CRTAC1: variants seen among roughly 807,000 people sequenced by gnomAD.
The protein encoded by CRTAC1 is cartilage acidic protein 1.
Under a neutral mutation model 67.8 loss-of-function variants are expected in CRTAC1, and 37 were observed. That is an observed-to-expected ratio of 0.55 (90% CI 0.42 to 0.72). The LOEUF is 0.72. CRTAC1 is among the 30% of genes least tolerant of loss of function. CRTAC1 has a pLI of 0.00. For missense variants in CRTAC1, 780 were observed against 931.6 expected, an observed-to-expected ratio of 0.84 and a Z score of 2.12; for synonymous variants, 348 against 371.0, an observed-to-expected ratio of 0.94 and a Z score of 0.71.
intron 2 of CRTAC1, among the ~76,000 whole-genome samples, chr10:98,005,496 T>C (rs1320754446): frequency 1.3e-5 from 2 of 152,022 alleles, no homozygotes; most frequent in Admixed American, 1.3e-4. Flanking sequence ...ATCAAATCTA[T>C]TAAAATGTTA....
chr10:97,972,204 C>T (rs1383971820), intron 2 of CRTAC1, among the ~76,000 whole-genome samples: 4 of 152,202 alleles, frequency 2.6e-5, no homozygotes, highest in Non-Finnish European at 2.9e-5. Flanking sequence ...AGACCTTTTA[C>T]TTCCAGACCC....
intron 3 of CRTAC1, among the ~76,000 whole-genome samples, chr10:97,928,511 G>A (rs1390629895): frequency 2.0e-5 from 3 of 152,192 alleles, no homozygotes; most frequent in East Asian, 1.9e-4. Flanking sequence ...AAAACCCCTC[G>A]AGGTGGGTAC....
intron 3 of CRTAC1, among the ~76,000 whole-genome samples, 177 bp downstream of exon 3, chr10:97,935,993 G>C (rs1236836160): frequency 6.6e-6 from 1 of 152,154 alleles, no homozygotes; most frequent in East Asian, 1.9e-4. Context: ...AGGCTCACAC[G>C]CAAGAGAAGA....
intron 9 of CRTAC1, 123 bp from the exon 10 acceptor site, chr10:97,896,108 G>T: frequency 1.3e-6 from 1 of 789,662 alleles, no homozygotes; most frequent in African/African-American, 1.7e-5. Context: ...ACAGCACCGG[G>T]GCAGGAAGGC....
At chr10:97,925,182 G>T (rs1044107008) in intron 3 of CRTAC1, among the ~76,000 whole-genome samples, 23 of 152,300 alleles carry the variant, frequency 1.5e-4, no homozygotes, top group African/African-American at 4.1e-4. Context: ...GAAGCAGGAG[G>T]CTCACCTGAG....
At chr10:97,917,774 G>C (rs985069308) in intron 4 of CRTAC1, 118 bp from the exon 5 acceptor site, 1 of 737,024 alleles carries the variant, frequency 1.4e-6, no homozygotes, top group East Asian at 3.1e-5. Context: ...CTTCTCCCCA[G>C]GTCTGTTGCA....
At chr10:97,894,516 C>G (rs2050422387) in intron 11 of CRTAC1, among the ~76,000 whole-genome samples, 1 of 151,214 alleles carries the variant, frequency 6.6e-6, no homozygotes. Context: ...CCACCTCAGT[C>G]TCCCAGGTAG....
At chr10:97,946,513 C>G (rs2051266434) in intron 2 of CRTAC1, among the ~76,000 whole-genome samples, 2 of 152,196 alleles carry the variant, frequency 1.3e-5, no homozygotes, top group South Asian at 4.1e-4. Context: ...CTGATTGGCT[C>G]AGGGTGGGTC....
chr10:97,878,821 C>T (rs1249121349), intron 14 of CRTAC1: 2 of 760,942 alleles, frequency 2.6e-6, no homozygotes, highest in Non-Finnish European at 3.7e-6. Flanking sequence ...AACTGAGGCA[C>T]AGCATGGAGA....
At chr10:97,930,747 A>G (rs1285676959) in intron 3 of CRTAC1, among the ~76,000 whole-genome samples, 1 of 152,148 alleles carries the variant, frequency 6.6e-6, no homozygotes, top group Non-Finnish European at 1.5e-5. Flanking sequence ...ACCCATCCAA[A>G]TACCCTTCTC....
At chr10:98,025,869 C>T (rs1843222393) in intron 1 of CRTAC1, among the ~76,000 whole-genome samples, 2 of 152,190 alleles carry the variant, frequency 1.3e-5, no homozygotes, top group Non-Finnish European at 2.9e-5. Context: ...TCAGAATTAT[C>T]CTGGGACCCA....
chr10:97,961,250 C>T (rs1378952304), intron 2 of CRTAC1, among the ~76,000 whole-genome samples: 1 of 152,100 alleles, frequency 6.6e-6, no homozygotes, highest in Non-Finnish European at 1.5e-5. Context: ...CTTGTAACTT[C>T]TATCTTCTTT....
At chr10:97,920,119 G>T (rs1427035763) in intron 4 of CRTAC1, among the ~76,000 whole-genome samples, 1 of 152,058 alleles carries the variant, frequency 6.6e-6, no homozygotes, top group Non-Finnish European at 1.5e-5. Context: ...AGAATGACTG[G>T]ATGAAAAGTG....
intron 2 of CRTAC1, among the ~76,000 whole-genome samples, chr10:97,970,869 A>G (rs192969951): frequency 3.9e-4 from 60 of 152,352 alleles, no homozygotes; most frequent in African/African-American, 1.4e-3. Context: ...TCATTCATCT[A>G]TAACAAGTGC....
At chr10:97,930,030 G>A (rs1185573506) in intron 3 of CRTAC1, among the ~76,000 whole-genome samples, 1 of 152,144 alleles carries the variant, frequency 6.6e-6, no homozygotes, top group Non-Finnish European at 1.5e-5. Flanking sequence ...AGGTTAAGAG[G>A]GAAACCCGAT....
chr10:97,929,631 C>A (rs1359930705), intron 3 of CRTAC1, among the ~76,000 whole-genome samples: 1 of 152,220 alleles, frequency 6.6e-6, no homozygotes, highest in Non-Finnish European at 1.5e-5. Context: ...AACTCATGAA[C>A]TTGTGTTTTC....
Position 97,927,897 on chromosome 10 carries a change from A to G in CRTAC1, c.422-4497T>C, listed in dbSNP as rs547752596. Among the ~76,000 whole-genome samples the G allele has an allele frequency of 7.2e-5, 11 of 152,332 alleles. No individual in the cohort carries two copies. The South Asian group carries it at 2.3e-3, about 32-fold the overall frequency. On this transcript the variant is annotated intron_variant, in intron 3 of 14. Transcript: ENST00000370597. ...AACACCCAGCACTGGCCCCTGGCCCATGTCAGCATGCAGTCCTGCCTTCTG... is the reference window on the plus strand; with the variant it reads ...AACACCCAGCACTGGCCCCTGGCCCGTGTCAGCATGCAGTCCTGCCTTCTG...
At position 97,975,581 on chromosome 10, in the gene CRTAC1, G is replaced by A. The variant is rs150426568; in HGVS notation, c.224+35557C>T. On this transcript the variant is annotated intron_variant, in intron 2 of 14. Transcript: ENST00000370597. This position sits in a 1 kb window ranked among gnomAD's most constrained non-coding sequence, Gnocchi z 4.8. Reference sequence around the variant, plus strand: ...GTCACCTTTTCCTAAAGGACGTGGGGCACCATTTCTGTTACAACTGGCAGC... The same window carrying A: ...GTCACCTTTTCCTAAAGGACGTGGGACACCATTTCTGTTACAACTGGCAGC... Among the ~76,000 whole-genome samples the A allele has an allele frequency of 2.2e-3, 341 of 152,252 alleles. 1 individual carries two copies. Among genetic ancestry groups the A allele is most frequent in the Non-Finnish European group, 2.5e-3 (170 of 67,998 alleles).
At chr10:97,896,496 C>A (rs1213813644) in intron 9 of CRTAC1, among the ~76,000 whole-genome samples, 2 of 152,130 alleles carry the variant, frequency 1.3e-5, no homozygotes, top group African/African-American at 4.8e-5. Context: ...GGTTCTGGGA[C>A]CCCTGGCCCA....
Sources: gnomAD v4.1 joint callset for allele counts (sites outside exome capture counted in the v4.1 genomes callset) on GRCh38, gnomAD v4.1.1 for gene constraint, Gnocchi (gnomAD v3.1) non-coding constraint, MANE v1.5 for transcripts, NCBI Gene and HGNC (gene_info 2026-07-23, HGNC 2026-07-21) for gene names.